The following CDH8 variants were observed in gnomAD, a reference collection of about 807,000 sequenced individuals.
The protein encoded by CDH8 is cadherin-8.
In CDH8, 17 loss-of-function variants were observed where a neutral mutation model predicts 68.1. The observed-to-expected ratio is 0.25, with a 90% CI of 0.17 to 0.37. The LOEUF (loss-of-function observed/expected upper bound fraction) is 0.37, where lower values mean the gene tolerates loss of function less well. Ranked by LOEUF, CDH8 falls within the 10% of genes least tolerant of loss-of-function variation. The pLI is 1.00. For synonymous variants in CDH8, 372 were observed against 365.1 expected (o/e 1.02, Z -0.21); for missense variants, 763 against 999.3 (o/e 0.76, Z 3.19).
At chr16:61,970,419 G>C (rs1310111715) in intron 2 of CDH8, among the ~76,000 whole-genome samples, 1 of 151,984 alleles carries the variant, frequency 6.6e-6, no homozygotes, top group Non-Finnish European at 1.5e-5. Context: ...TAGAAAAATG[G>C]GAAACTTGAT....
At chr16:61,850,008 C>T (rs577321836) in intron 4 of CDH8, among the ~76,000 whole-genome samples, 1 of 151,988 alleles carries the variant, frequency 6.6e-6, no homozygotes, top group Non-Finnish European at 1.5e-5. Flanking sequence ...TTAAAAATTG[C>T]GTACTTAATG....
chr16:61,960,228 C>CAT (rs1208125814), intron 2 of CDH8, among the ~76,000 whole-genome samples: 1,025 of 42,620 alleles, frequency 0.024, 321 homozygotes, highest in African/African-American at 0.043. Context: ...TGTGTATACA[C>CAT]ACATATATAC....
chr16:61,846,601 T>C (rs549805826), intron 4 of CDH8, among the ~76,000 whole-genome samples: 1 of 152,084 alleles, frequency 6.6e-6, no homozygotes, highest in Admixed American at 6.6e-5. Context: ...ACAGAAGTGG[T>C]CAGAAAACCG....
chr16:61,977,200 A>C lies in CDH8; in HGVS notation c.252+43952T>G, dbSNP rs79000622. Reference sequence around the variant, plus strand: ...CCTTCTGAGAAATGCTGGAATGCCAACTTCCTTAAGGCAGAGAGAATACTT... The same window carrying C: ...CCTTCTGAGAAATGCTGGAATGCCACCTTCCTTAAGGCAGAGAGAATACTT... On this transcript the variant is annotated intron_variant, in intron 2 of 11. Coordinates refer to ENST00000577390, the MANE Select transcript of CDH8 (RefSeq NM_001796.5). Among the ~76,000 whole-genome samples, 399 of 152,256 alleles carry C rather than the reference A, an allele frequency of 2.6e-3. 1 individual carries two copies. Among genetic ancestry groups the C allele is most frequent in the African/African-American group, 9.3e-3 (386 of 41,552 alleles).
At chr16:62,008,982 C>A (rs899541524) in intron 2 of CDH8, among the ~76,000 whole-genome samples, 27 of 148,292 alleles carry the variant, frequency 1.8e-4, no homozygotes, top group African/African-American at 6.5e-4. Context: ...TGACAAAAGG[C>A]AAACTGCAAT....
At chr16:61,967,284 C>T (rs373210646) in intron 2 of CDH8, among the ~76,000 whole-genome samples, 15 of 152,122 alleles carry the variant, frequency 9.9e-5, no homozygotes, top group African/African-American at 3.6e-4. Context: ...GGTAGACATG[C>T]CAACATATCC....
intron 8 of CDH8, among the ~76,000 whole-genome samples, chr16:61,736,663 A>T (rs1438385437): frequency 1.3e-5 from 2 of 152,186 alleles, no homozygotes; most frequent in African/African-American, 4.8e-5. Flanking sequence ...TACAACTTAT[A>T]ATTTCCAACA....
At chr16:61,912,049 C>T (rs953364340) in intron 2 of CDH8, among the ~76,000 whole-genome samples, 1 of 151,966 alleles carries the variant, frequency 6.6e-6, no homozygotes, top group South Asian at 2.1e-4. Context: ...ACAGTAATCA[C>T]AATCACTTGC....
chr16:61,930,659 G>A (rs1964527697), intron 2 of CDH8, among the ~76,000 whole-genome samples: 1 of 152,116 alleles, frequency 6.6e-6, no homozygotes, highest in South Asian at 2.1e-4. Flanking sequence ...AGAACTATGT[G>A]GACCCTTTAT....
chr16:61,933,729 GT>G, intron 2 of CDH8, among the ~76,000 whole-genome samples: 1 of 151,832 alleles, frequency 6.6e-6, no homozygotes, highest in Admixed American at 6.6e-5. Flanking sequence ...TTTTTTGTTT[GT>G]TTTTTGCAAC....
At chr16:61,713,759 G>T in intron 10 of CDH8, 82 bp downstream of exon 10, 2 of 755,228 alleles carry the variant, frequency 2.6e-6, no homozygotes, top group Non-Finnish European at 4.5e-6. Flanking sequence ...TTATCTTAAT[G>T]ATAATTTTCA....
intron 2 of CDH8, among the ~76,000 whole-genome samples, chr16:62,017,430 C>T (rs1901967838): frequency 6.6e-6 from 1 of 152,082 alleles, no homozygotes; most frequent in South Asian, 2.1e-4. Flanking sequence ...CCTGTAATCC[C>T]AGCATTTTGA....
intron 2 of CDH8, among the ~76,000 whole-genome samples, chr16:61,948,108 C>T (rs998368486): frequency 2.6e-5 from 4 of 152,232 alleles, no homozygotes; most frequent in African/African-American, 9.6e-5. Flanking sequence ...AAACGTATGA[C>T]CCTAAATTTG....
chr16:61,697,262 T>C (rs1452015505), intron 10 of CDH8, among the ~76,000 whole-genome samples: 3 of 152,112 alleles, frequency 2.0e-5, no homozygotes, highest in Non-Finnish European at 4.4e-5. Context: ...TCAGGGTTCA[T>C]TCTTTCCAGG....
chr16:61,711,748 C>A (rs1424910636), intron 10 of CDH8: 2 of 151,558 alleles, frequency 1.3e-5, no homozygotes, highest in Non-Finnish European at 1.5e-5. Context: ...GATTTGGATC[C>A]TAAATCCAAA....
At chr16:61,941,192 C>T (rs922318941) in intron 2 of CDH8, among the ~76,000 whole-genome samples, 10 of 152,152 alleles carry the variant, frequency 6.6e-5, no homozygotes, top group Admixed American at 6.5e-4. Flanking sequence ...CATGTGCAGA[C>T]TTAAAAGACA....
intron 9 of CDH8, among the ~76,000 whole-genome samples, chr16:61,722,803 T>C (rs1322145715): frequency 6.6e-6 from 1 of 150,686 alleles, no homozygotes; most frequent in Non-Finnish European, 1.5e-5. Context: ...ACCCCCATAA[T>C]AAACAAACTT....
chr16:61,904,579 T>C (rs1964032155), intron 2 of CDH8, among the ~76,000 whole-genome samples: 1 of 152,206 alleles, frequency 6.6e-6, no homozygotes, highest in Non-Finnish European at 1.5e-5. Context: ...TTTAAAATGA[T>C]TTTAAAAGAA....
chr16:61,676,868 A>C (rs1165721294), intron 10 of CDH8, among the ~76,000 whole-genome samples: 2 of 152,090 alleles, frequency 1.3e-5, no homozygotes. Flanking sequence ...ATGTGTGCAA[A>C]GGATTGACTG....
Sources: allele counts gnomAD v4.1 joint callset (sites outside exome capture counted in the v4.1 genomes callset), GRCh38; gene constraint gnomAD v4.1.1; transcripts MANE v1.5; gene names NCBI Gene and HGNC (gene_info 2026-07-23, HGNC 2026-07-21).